The following TSHZ2 variants were observed in gnomAD, a reference collection of about 807,000 sequenced individuals.
The protein encoded by TSHZ2 is teashirt homolog 2.
A neutral mutation model predicts 74.4 loss-of-function variants in TSHZ2; 21 were observed. The observed-to-expected ratio is 0.28, with a 90% CI of 0.20 to 0.41. The LOEUF is 0.41. Ranked by LOEUF, TSHZ2 falls within the 10% of genes least tolerant of loss-of-function variation. The pLI is 1.00. For missense variants in TSHZ2, 1,244 were observed against 1,293.5 expected, an observed-to-expected ratio of 0.96 and a Z score of 0.59; for synonymous variants, 540 against 515.3, an observed-to-expected ratio of 1.05 and a Z score of -0.65.
chr20:52,983,931 C>T (rs1418578012), intron 1 of TSHZ2, among the ~76,000 whole-genome samples: 1 of 152,192 alleles, frequency 6.6e-6, no homozygotes, highest in African/African-American at 2.4e-5. Context: ...GCGCTCATCC[C>T]CTCAGGCCCC....
intron 1 of TSHZ2, among the ~76,000 whole-genome samples, chr20:53,145,578 G>T (rs1987520139): frequency 6.6e-6 from 1 of 152,210 alleles, no homozygotes; most frequent in Non-Finnish European, 1.5e-5. Context: ...GCTTCCTTGT[G>T]CTGGGGAATT....
At chr20:53,167,581 G>A (rs1482156209) in intron 1 of TSHZ2, among the ~76,000 whole-genome samples, 1 of 152,086 alleles carries the variant, frequency 6.6e-6, no homozygotes, top group African/African-American at 2.4e-5. Flanking sequence ...GTGTGTGTGT[G>A]TGTTTGTGTG....
chr20:53,073,282 A>T (rs1444228045), intron 1 of TSHZ2, among the ~76,000 whole-genome samples: 1 of 132,528 alleles, frequency 7.5e-6, no homozygotes, highest in Non-Finnish European at 1.6e-5. Flanking sequence ...CCCTCCATTC[A>T]TCCATCCATC....
chr20:53,284,156 T>C (rs1229792762), intron 2 of TSHZ2, among the ~76,000 whole-genome samples: 1 of 152,248 alleles, frequency 6.6e-6, no homozygotes, highest in Non-Finnish European at 1.5e-5. Context: ...AATGTGTAGC[T>C]TGGGCTTGTT....
intron 2 of TSHZ2, among the ~76,000 whole-genome samples, chr20:53,435,450 G>A (rs997051053): frequency 6.6e-6 from 1 of 152,152 alleles, no homozygotes; most frequent in Non-Finnish European, 1.5e-5. Flanking sequence ...AGTTGAAAAC[G>A]TATCTATGTG....
rs567499325 is a variant in TSHZ2 at position 53,202,830 on chromosome 20, G to A, written c.41-50669G>A. 3.3e-5 allele frequency among the ~76,000 whole-genome samples: 5 copies of A among 152,292 alleles called. No individual in the cohort carries two copies. The East Asian group carries it at 9.6e-4, about 29-fold the overall frequency. Reference sequence around the variant, plus strand: ...ATGGCTTTAGGCTTTGGGTTTTGATGTATGCTATAACTTGTAATACTTCCA... The same window carrying A: ...ATGGCTTTAGGCTTTGGGTTTTGATATATGCTATAACTTGTAATACTTCCA... On this transcript the variant is annotated intron_variant, in intron 1 of 2. Transcript: ENST00000371497.
intron 1 of TSHZ2, among the ~76,000 whole-genome samples, chr20:53,034,558 A>G (rs1184847140): frequency 6.6e-6 from 1 of 152,230 alleles, no homozygotes; most frequent in African/African-American, 2.4e-5. Flanking sequence ...CCAAGAAGAT[A>G]AAATAGAATA....
intron 2 of TSHZ2, among the ~76,000 whole-genome samples, chr20:53,292,482 C>T (rs973881285): frequency 1.4e-5 from 2 of 146,532 alleles, no homozygotes; most frequent in Non-Finnish European, 3.0e-5. Flanking sequence ...GGGTCTTGCT[C>T]TGCTGCCCAG....
At chr20:53,096,377 A>G (rs1348002132) in intron 1 of TSHZ2, among the ~76,000 whole-genome samples, 2 of 152,092 alleles carry the variant, frequency 1.3e-5, no homozygotes, top group Non-Finnish European at 2.9e-5. Context: ...TCCTGAGCTC[A>G]AGTGATCCAC....
At chr20:53,246,040 C>CTTTTTTTTTTTTTTTTTTTTT (rs57243805) in intron 1 of TSHZ2, among the ~76,000 whole-genome samples, 2,097 of 129,534 alleles carry the variant, frequency 0.016, 70 homozygotes, top group Non-Finnish European at 0.023. Context: ...TTCTTTCTTT[C>CTTTTTTTTTTTTTTTTTTTTT]TTTTTTTTTT....
chr20:53,166,381 G>T (rs1442311694), intron 1 of TSHZ2, among the ~76,000 whole-genome samples: 1 of 152,158 alleles, frequency 6.6e-6, no homozygotes, highest in African/African-American at 2.4e-5. Flanking sequence ...ACTCTGGAAG[G>T]CTGAGGTGGG....
rs901406582 is a variant in TSHZ2 at position 53,358,516 on chromosome 20, G to GT, written c.*8+101953dup. 4.2e-4 allele frequency among the ~76,000 whole-genome samples: 63 copies of GT among 150,662 alleles called. 1 individual carries two copies. The South Asian group carries it at 5.3e-3, about 13-fold the overall frequency. Reference sequence around the variant, plus strand: ...CCACCATGCCTGGCTACTTTTTTTTGTTTTTTTTAGTAGAGATGGGGTTTC... The same window carrying GT: ...CCACCATGCCTGGCTACTTTTTTTTGTTTTTTTTTAGTAGAGATGGGGTTTC... On this transcript the variant is annotated intron_variant, in intron 2 of 2. Coordinates refer to ENST00000371497, the MANE Select transcript of TSHZ2 (RefSeq NM_173485.6).
chr20:53,358,064 A>G (rs935800988), intron 2 of TSHZ2, among the ~76,000 whole-genome samples: 28 of 152,176 alleles, frequency 1.8e-4, no homozygotes, highest in Non-Finnish European at 3.2e-4. Context: ...TTTCACATGG[A>G]CGACCGCAAA....
intron 1 of TSHZ2, among the ~76,000 whole-genome samples, chr20:53,195,332 T>C (rs964807889): frequency 2.6e-5 from 4 of 152,146 alleles, no homozygotes; most frequent in Non-Finnish European, 5.9e-5. Flanking sequence ...AGAGTCTGCA[T>C]TTGGTTGAAA....
At chr20:53,069,127 T>G (rs993276178) in intron 1 of TSHZ2, among the ~76,000 whole-genome samples, 11 of 152,296 alleles carry the variant, frequency 7.2e-5, no homozygotes, top group Admixed American at 5.2e-4. Flanking sequence ...GAATAATGCA[T>G]TAATCCTCAT....
At chr20:53,079,407 A>G (rs1364942145) in intron 1 of TSHZ2, among the ~76,000 whole-genome samples, 1 of 152,252 alleles carries the variant, frequency 6.6e-6, no homozygotes, top group Non-Finnish European at 1.5e-5. Flanking sequence ...GTAGACAGTG[A>G]CATGTTCACA....
At chr20:53,344,613 T>A (rs1369355420) in intron 2 of TSHZ2, among the ~76,000 whole-genome samples, 1 of 152,152 alleles carries the variant, frequency 6.6e-6, no homozygotes, top group Non-Finnish European at 1.5e-5. Flanking sequence ...CACAAAATAG[T>A]GCCCTAGTGG....
intron 2 of TSHZ2, among the ~76,000 whole-genome samples, chr20:53,269,901 C>A (rs1990799165): frequency 1.3e-5 from 2 of 152,026 alleles, no homozygotes; most frequent in Non-Finnish European, 2.9e-5. Flanking sequence ...TTATCAGTAA[C>A]AATGAAGTGA....
chr20:53,108,076 A>G (rs1453697199), intron 1 of TSHZ2, among the ~76,000 whole-genome samples: 1 of 152,254 alleles, frequency 6.6e-6, no homozygotes, highest in African/African-American at 2.4e-5. Context: ...GTAGATTTCT[A>G]GGCTTCAGTT....
Sources: allele counts gnomAD v4.1 joint callset (sites outside exome capture counted in the v4.1 genomes callset), GRCh38; gene constraint gnomAD v4.1.1; transcripts MANE v1.5; gene names NCBI Gene and HGNC (gene_info 2026-07-23, HGNC 2026-07-21).